The following DNAI2 variants were observed in gnomAD, a reference collection of about 807,000 sequenced individuals.
DNAI2 encodes the protein dynein, axonemal, intermediate polypeptide 2.
In DNAI2, 63 loss-of-function variants were observed where a neutral mutation model predicts 74.7. The observed-to-expected ratio is 0.84, with a 90% CI of 0.69 to 1.04. The LOEUF (loss-of-function observed/expected upper bound fraction) is 1.04, where lower values mean the gene tolerates loss of function less well. Ranked by LOEUF, DNAI2 falls within the 50% of genes least tolerant of loss-of-function variation. The probability of loss-of-function intolerance (pLI) is 0.00; values close to 1 mark genes in which losing one functional copy is unlikely to be tolerated. For missense variants in DNAI2, 688 were observed against 803.2 expected (o/e 0.86, Z 1.73); for synonymous variants, 289 against 314.9 (o/e 0.92, Z 0.87).
At chr17:74,310,198 C>T (rs1017261480) in intron 11 of DNAI2, 35 bp downstream of exon 11, 24 of 1,608,554 alleles carry the variant, frequency 1.5e-5, no homozygotes, top group Non-Finnish European at 2.0e-5. Flanking sequence ...ATCCCTCCAG[C>T]ACGTCCCGAC....
intron 1 of DNAI2, among the ~76,000 whole-genome samples, chr17:74,277,780 G>C (rs1304892170): frequency 6.6e-6 from 1 of 152,260 alleles, no homozygotes; most frequent in Non-Finnish European, 1.5e-5. Context: ...CAGGCATCTA[G>C]TTCAGCATTT....
Position 74,287,118 on chromosome 17 carries a change from G to A in DNAI2, c.467+20G>A, listed in dbSNP as rs756680472. The A allele has an allele frequency of 6.2e-7, 1 of 1,613,066 alleles. No individual in the cohort carries two copies. On this transcript the variant is annotated intron_variant, in intron 4 of 13. Coordinates refer to ENST00000311014, the MANE Select transcript of DNAI2 (RefSeq NM_023036.6). ...GTTCAGGTAGCGCCATAGCCAGGCA[G>A]GTGTCTGGCCACCCTCCGTCACCCC...
chr17:74,299,165 A>G (rs943157914), intron 6 of DNAI2, among the ~76,000 whole-genome samples: 1 of 152,196 alleles, frequency 6.6e-6, no homozygotes, highest in African/African-American at 2.4e-5. Context: ...TTGGCAAAGC[A>G]CTAATAACAG....
chr17:74,279,017 A>T (rs1160792604), intron 1 of DNAI2, among the ~76,000 whole-genome samples: 2 of 151,992 alleles, frequency 1.3e-5, no homozygotes, highest in Admixed American at 6.6e-5. Context: ...AATACAAAAA[A>T]TTAGCCGGGT....
At position 74,312,492 on chromosome 17, in the gene DNAI2, C is replaced by A. The variant is rs534779579; in HGVS notation, c.1722+262C>A. 6.6e-5 allele frequency among the ~76,000 whole-genome samples: 10 copies of A among 152,244 alleles called. No homozygotes were observed. In the South Asian group the frequency reaches 2.1e-3, roughly 32 times the overall value. Reference sequence around the variant, plus strand: ...TATCCTCCCCTCCCCCCAGAGAGGGCACATGGTGAAAATGCGTGTTGAGTG... The same window carrying A: ...TATCCTCCCCTCCCCCCAGAGAGGGAACATGGTGAAAATGCGTGTTGAGTG... On this transcript the variant is annotated intron_variant, in intron 12 of 13. Transcript: ENST00000311014.
At chr17:74,310,512 A>G (rs1305590457) in intron 11 of DNAI2, among the ~76,000 whole-genome samples, 1 of 150,286 alleles carries the variant, frequency 6.7e-6, no homozygotes, top group Non-Finnish European at 1.5e-5. Context: ...GTATTATATT[A>G]TATTGTATTT....
Position 74,281,903 on chromosome 17 carries a change from T to G in DNAI2, c.86T>G (p.Ile29Ser). ...NFSDRQAELN[I>S]DIMPNPELAE... ...TCGGACCGCCAGGCCGAGCTGAACA[T>G]CGACATCATGCCCAACCCTGAGCTG... The change falls in exon 2 of 14, where the codon ATC (isoleucine) becomes AGC (serine). Residue 29 changes from isoleucine to serine, a missense_variant. Transcript: ENST00000311014. The G allele has an allele frequency of 1.9e-6, 3 of 1,614,074 alleles. No homozygotes were observed. The highest frequency in any genetic ancestry group is 2.5e-6 in the Non-Finnish European group (3 of 1,180,022).
chr17:74,291,754 A>C (rs193222430), intron 6 of DNAI2, among the ~76,000 whole-genome samples: 1 of 152,150 alleles, frequency 6.6e-6, no homozygotes, highest in African/African-American at 2.4e-5. Flanking sequence ...GGGGAGCCCT[A>C]TTTTGGGAGA....
At chr17:74,276,864 T>TAATTGCCTGAGTCCTGCAGCCCC (rs2051111518) in intron 1 of DNAI2, among the ~76,000 whole-genome samples, 2 of 152,230 alleles carry the variant, frequency 1.3e-5, no homozygotes, top group Non-Finnish European at 2.9e-5. Context: ...CAGGCAGCCC[T>TAATTGCCTGAGTCCTGCAGCCCC]AATTGCCTGA....
chr17:74,289,070 T>C (rs2051921602), intron 4 of DNAI2, among the ~76,000 whole-genome samples: 1 of 152,236 alleles, frequency 6.6e-6, no homozygotes, highest in African/African-American at 2.4e-5. Context: ...AACTCTTTTC[T>C]GAGGCAGGGC....
At chr17:74,295,233 T>TAAAAACAAAAA (rs2052360441) in intron 6 of DNAI2, among the ~76,000 whole-genome samples, 1 of 112,356 alleles carries the variant, frequency 8.9e-6, no homozygotes, top group African/African-American at 3.2e-5. Flanking sequence ...CATCTCTACT[T>TAAAAACAAAAA]AAAAAAAAAA....
intron 9 of DNAI2, among the ~76,000 whole-genome samples, chr17:74,308,242 G>A (rs763721569): frequency 6.6e-6 from 1 of 152,214 alleles, no homozygotes; most frequent in Non-Finnish European, 1.5e-5. Context: ...GAAGGGAGAG[G>A]AGGTCTGGGT....
chr17:74,293,056 A>G (rs578003730), intron 6 of DNAI2, among the ~76,000 whole-genome samples: 1 of 151,086 alleles, frequency 6.6e-6, no homozygotes, highest in South Asian at 2.1e-4. Context: ...GATGGTCTCG[A>G]TCTCCTGACC....
rs758710603 is a variant in DNAI2, at chr17:74,312,025, G to A, written c.1517G>A (p.Arg506Gln). 1.4e-5 allele frequency: 23 copies of A among 1,611,820 alleles called. No homozygotes were observed. Among genetic ancestry groups the A allele is most frequent in the African/African-American group, 1.3e-4 (10 of 74,996 alleles). ...ASSMFERETR[R>Q]EKILEARHRE... Reference sequence around the variant, plus strand: ...CAGATGTTTGAGCGTGAGACCCGGCGAGAGAAGATCCTGGAGGCCAGGCAC... The same window carrying A: ...CAGATGTTTGAGCGTGAGACCCGGCAAGAGAAGATCCTGGAGGCCAGGCAC... Residue 506 changes from arginine to glutamine, a missense_variant, in exon 12 of 14, where the codon CGA (arginine) becomes CAA (glutamine). By Grantham distance (43) the Arg-to-Gln change is conservative. Transcript: ENST00000311014.
chr17:74,305,515 G>T, intron 9 of DNAI2, 73 bp downstream of exon 9: 1 of 1,404,668 alleles, frequency 7.1e-7, no homozygotes. Context: ...GCTGGGCCCC[G>T]GAGAGTCCCG....
intron 1 of DNAI2, among the ~76,000 whole-genome samples, chr17:74,276,967 G>A (rs1224371231): frequency 6.6e-6 from 1 of 152,178 alleles, no homozygotes; most frequent in Non-Finnish European, 1.5e-5. Context: ...TCACAAGGCC[G>A]TAGCTTTGTC....
chr17:74,301,065 G>A lies in DNAI2; in HGVS notation c.884G>A (p.Arg295Gln), dbSNP rs1461755550. 5.6e-6 allele frequency: 9 copies of A among 1,613,894 alleles called. No homozygotes were observed. Among genetic ancestry groups the A allele is most frequent in the African/African-American group, 1.3e-5 (1 of 74,922 alleles). Residue 295 changes from arginine (R) to glutamine (Q), a missense_variant, in exon 8 of 14, where the codon CGA (arginine) becomes CAA (glutamine). By Grantham distance (43) the Arg-to-Gln change is conservative. Transcript: ENST00000311014. ...CACCAGGTCATGTGGTGGGACATCC[G>A]AAAGATGAGCGAGCCCACTGAAGTT... ...TDGQVMWWDI[R>Q]KMSEPTEVVI...
chr17:74,290,723 A>C (rs571934757), intron 5 of DNAI2, among the ~76,000 whole-genome samples: 4 of 152,214 alleles, frequency 2.6e-5, no homozygotes, highest in Non-Finnish European at 5.9e-5. Context: ...TTAGTATCAA[A>C]ACCTCGTTTC....
chr17:74,290,355 G>A lies in DNAI2; in HGVS notation c.610+619G>A, dbSNP rs145570422. On this transcript the variant is annotated intron_variant, in intron 5 of 13. Coordinates refer to ENST00000311014, the MANE Select transcript of DNAI2 (RefSeq NM_023036.6). Reference sequence around the variant, plus strand: ...GACAGAGTGCCCAGCAGACTGAGAAGGGACTCAAGGGGCGGCGGAATGGAA... The same window carrying A: ...GACAGAGTGCCCAGCAGACTGAGAAAGGACTCAAGGGGCGGCGGAATGGAA... 2.9e-3 allele frequency among the ~76,000 whole-genome samples: 434 copies of A among 152,272 alleles called. 1 individual carries two copies. The highest frequency in any genetic ancestry group is 6.8e-3 in the Middle Eastern group (2 of 294).
Sources: allele counts gnomAD v4.1 joint callset (sites outside exome capture counted in the v4.1 genomes callset), GRCh38; gene constraint gnomAD v4.1.1; transcripts MANE v1.5; gene names NCBI Gene and HGNC (gene_info 2026-07-23, HGNC 2026-07-21).